The following KRT10 variants were observed in gnomAD, a reference collection of about 807,000 sequenced individuals.
KRT10 encodes keratin 10.
KRT10 carries 40 observed loss-of-function variants against 59.2 expected under a neutral mutation model. The observed-to-expected ratio is 0.68, with a 90% CI of 0.52 to 0.88. The LOEUF (loss-of-function observed/expected upper bound fraction) is 0.88, where lower values mean the gene tolerates loss of function less well. Among genes scored for constraint, KRT10 ranks in the 40% least tolerant of loss-of-function variants. The probability of loss-of-function intolerance (pLI) is 0.00; values close to 1 mark genes in which losing one functional copy is unlikely to be tolerated. For synonymous variants in KRT10, 336 were observed against 310.7 expected, an observed-to-expected ratio of 1.08 and a Z score of -0.86; for missense variants, 719 against 749.1, an observed-to-expected ratio of 0.96 and a Z score of 0.47.
Position 40,818,966 on chromosome 17 carries a change from G to C in KRT10, c.1569C>G (p.Gly523=), listed in dbSNP as rs755521518. 1 of 1,362,498 alleles carries C rather than the reference G, an allele frequency of 7.3e-7. No homozygotes were observed. Among genetic ancestry groups the C allele is most frequent in the African/African-American group, 1.7e-5 (1 of 59,464 alleles). 84.4% of individuals were successfully genotyped at this position (1,362,498 alleles called of 1,614,324 possible). Residue 523 remains glycine, a synonymous_variant, in exon 7 of 8, where the codon GGC becomes GGG. Coordinates refer to ENST00000269576, the MANE Select transcript of KRT10 (RefSeq NM_000421.5). ...CACCGTAGCCGCCGCTGGAACTGCC[G>C]CCGTGGCCGCCGCTGGAGCTTCCGC... The part of the protein sequence containing the change: ...YGGGSSSGGH[G]GSSSGGYGGG...
rs781225764 is a variant in KRT10, at chr17:40,819,741, C to T, written c.1156-7G>A. On this transcript the variant is annotated splice_region_variant and splice_polypyrimidine_tract_variant and intron_variant, in intron 5 of 7. Transcript: ENST00000269576. ...AGGCTTCCAGGGATTGTTTCTGAAA[C>T]GGATTTTTTTGTGGCTTAGTGACTT... 6.2e-6 allele frequency: 10 copies of T among 1,613,584 alleles called. No individual in the cohort carries two copies. The highest frequency in any genetic ancestry group is 7.6e-6 in the Non-Finnish European group (9 of 1,179,530).
chr17:40,818,729 A>G, intron 7 of KRT10, 58 bp downstream of exon 7: 1 of 1,599,210 alleles, frequency 6.3e-7, no homozygotes, highest in Non-Finnish European at 8.5e-7. Flanking sequence ...TAAAGCGCAA[A>G]AAAACCATCA....
chr17:40,820,989 T>G, intron 2 of KRT10, 46 bp downstream of exon 2: 1 of 1,409,142 alleles, frequency 7.1e-7, no homozygotes, highest in Non-Finnish European at 1.0e-6. Context: ...TAAAAACCAC[T>G]GATGTATTCG....
At chr17:40,818,630 T>G (rs2143122059) in intron 7 of KRT10, 148 bp from the exon 8 acceptor site, 3 of 1,358,870 alleles carry the variant, frequency 2.2e-6, no homozygotes, top group East Asian at 4.8e-5. Flanking sequence ...TCATGCCATT[T>G]TTCACGGCTG....
rs541291647 is a variant in KRT10 at position 40,818,859 on chromosome 17, C to A, written c.1676G>T (p.Gly559Val). 269 of 1,552,514 alleles carry A rather than the reference C, an allele frequency of 1.7e-4. 3 individuals carry two copies. In the South Asian group the frequency reaches 2.9e-3, roughly 17 times the overall value. The change falls in exon 7 of 8, where the codon GGC becomes GTC. Residue 559 changes from glycine to valine, a missense_variant. This residue lies in a region of KRT10 where 315 missense variants were observed against 270.6 expected (regional missense o/e 1.16). Coordinates refer to ENST00000269576, the MANE Select transcript of KRT10 (RefSeq NM_000421.5). ...GGSSSGGGYG[G>V]GSSSGGHKSS... Reference sequence around the variant, plus strand: ...CTTGTGGCCTCCGCTGGAGCTGCCGCCGCCGTATCCGCCGCCGGAGCTGCT... The same window carrying A: ...CTTGTGGCCTCCGCTGGAGCTGCCGACGCCGTATCCGCCGCCGGAGCTGCT...
In KRT10 at chr17:40,818,976, C is replaced by CCGCTGGAGCTTCCGCCGCCGTGGCCGT. The variant is rs1905196605; in HGVS notation, c.1558_1559insACGGCCACGGCGGCGGAAGCTCCAGCG (p.Ser519_Gly520insAspGlyHisGlyGlyGlySerSerSer). On this transcript the variant is annotated inframe_insertion, in exon 7 of 8. Coordinates refer to ENST00000269576, the MANE Select transcript of KRT10 (RefSeq NM_000421.5). The stretch of plus-strand genomic sequence containing the variant: ...GCCGCTGGAACTGCCGCCGTGGCCG[C>CCGCTGGAGCTTCCGCCGCCGTGGCCGT]CGCTGGAGCTTCCGCCCCCGTAGCC... The CCGCTGGAGCTTCCGCCGCCGTGGCCGT allele has an allele frequency of 1.4e-6, 2 of 1,391,542 alleles. No homozygotes were observed. Among genetic ancestry groups the CCGCTGGAGCTTCCGCCGCCGTGGCCGT allele is most frequent in the Non-Finnish European group, 1.9e-6 (2 of 1,072,528 alleles). 86.2% of individuals were successfully genotyped at this position (1,391,542 alleles called of 1,614,324 possible).
rs17855579 is a variant in KRT10, at chr17:40,819,076, G to A, written c.1459C>T (p.His487Tyr). The change falls in exon 7 of 8, where the codon CAC (histidine) becomes TAC (tyrosine). Residue 487 changes from histidine to tyrosine, a missense_variant. Transcript: ENST00000269576. ...SSGGGSSGGG[H>Y]GGGHGGSSGG... ...GAACTGCCGCCGTGGCCGCCGCCGT[G>A]GCCGCCGCCGGAGCTTCCGCCGCCG... 0.73 allele frequency: 966,587 copies of A among 1,329,148 alleles called. 328,678 individuals are homozygous for A. Among genetic ancestry groups the A allele is most frequent in the African/African-American group, 0.83 (53,812 of 64,590 alleles). The allele number at this position is 1,329,148 out of a possible 1,614,324, so 82.3% of individuals were successfully genotyped here.
intron 2 of KRT10, 120 bp downstream of exon 2, chr17:40,820,915 A>G: frequency 1.1e-6 from 1 of 938,764 alleles, no homozygotes; most frequent in African/African-American, 1.6e-5. Context: ...TAACTCCAAT[A>G]CTATTTAACT....
chr17:40,819,783 A>G (rs1216452828), intron 5 of KRT10, 49 bp from the exon 6 acceptor site: 2 of 1,447,270 alleles, frequency 1.4e-6, no homozygotes, highest in East Asian at 4.5e-5. Flanking sequence ...TCAGTTGAGT[A>G]TGGTGACGCT....
intron 5 of KRT10, 72 bp from the exon 6 acceptor site, chr17:40,819,806 TAGTA>T (rs2143136259): frequency 7.7e-7 from 1 of 1,305,950 alleles, no homozygotes; most frequent in Non-Finnish European, 1.1e-6. Context: ...TTTGATTATT[TAGTA>T]AGGCATTATA....
intron 4 of KRT10, 35 bp from the exon 5 acceptor site, chr17:40,820,209 A>G: frequency 6.2e-7 from 1 of 1,614,160 alleles, no homozygotes; most frequent in Middle Eastern, 1.6e-4. Context: ...GGGTGAGGAA[A>G]TTCTGAAATG....
rs1280022597 is a variant in KRT10 at position 40,818,900 on chromosome 17, G to A, written c.1635C>T (p.Gly545=). 3.6e-6 allele frequency: 5 copies of A among 1,396,804 alleles called. No individual in the cohort carries two copies. The highest frequency in any genetic ancestry group is 1.9e-4 in the Middle Eastern group (1 of 5,280). The allele number at this position is 1,396,804 out of a possible 1,614,324, so 86.5% of individuals were successfully genotyped here. The change falls in exon 7 of 8, where the codon GGC becomes GGT. Residue 545 remains glycine, a synonymous_variant. Coordinates refer to ENST00000269576, the MANE Select transcript of KRT10 (RefSeq NM_000421.5). ...SGGGGGGYGG[G]SSGGGSSSGG... is the part of the protein sequence containing the mutation. ...CGGAGCTGCTGCCGCCGCCGGAGCTGCCGCCCCCGTAGCCGCCGCCGCCGC... is the reference window on the plus strand; with the variant it reads ...CGGAGCTGCTGCCGCCGCCGGAGCTACCGCCCCCGTAGCCGCCGCCGCCGC...
Position 40,819,615 on chromosome 17 carries a change from G to A in KRT10, c.1275C>T (p.Thr425=). The part of the protein sequence containing the change: ...EEQLQQIRAE[T]ECQNTEYQQL... The stretch of plus-strand genomic sequence containing the variant: ...GTTGGTATTCAGTATTCTGGCACTC[G>A]GTTTCAGCTCGAATCTGTTGCAACT... The change falls in exon 6 of 8, where the codon ACC becomes ACT. Residue 425 remains threonine (T), a synonymous_variant. Transcript: ENST00000269576. The A allele has an allele frequency of 3.1e-6, 5 of 1,614,112 alleles. No individual in the cohort carries two copies. Among genetic ancestry groups the A allele is most frequent in the African/African-American group, 1.3e-5 (1 of 75,022 alleles).
At chr17:40,819,199 T>C (rs367939682) in intron 6 of KRT10, 38 bp from the exon 7 acceptor site, 34 of 1,594,758 alleles carry the variant, frequency 2.1e-5, no homozygotes, top group African/African-American at 5.4e-5. Context: ...ATCTCTAACG[T>C]TGGAAAACGG....
chr17:40,820,283 A>G lies in KRT10; in HGVS notation c.1008T>C (p.Ala336=), dbSNP rs576538778. 108 of 1,614,252 alleles carry G rather than the reference A, an allele frequency of 6.7e-5. No homozygotes were observed. In the South Asian group the frequency reaches 9.4e-4, roughly 14 times the overall value. ...EQLAEQNRKD[A]EAWFNEKSKE... is the part of the protein sequence containing the mutation. ...TTACCTTTTCATTGAACCAGGCTTC[A>G]GCATCTTTGCGGTTTTGTTCAGCAA... Residue 336 remains alanine, a synonymous_variant, in exon 4 of 8, where the codon GCT becomes GCC. Transcript: ENST00000269576.
At chr17:40,819,799 G>C (rs1905263903) in intron 5 of KRT10, 65 bp from the exon 6 acceptor site, 2 of 1,362,198 alleles carry the variant, frequency 1.5e-6, no homozygotes, top group Non-Finnish European at 2.1e-6. Flanking sequence ...ACGCTTATTT[G>C]ATTATTTAGT....
chr17:40,821,246 A>G (rs1437345622), intron 1 of KRT10, 129 bp from the exon 2 acceptor site: 1 of 706,548 alleles, frequency 1.4e-6, no homozygotes, highest in African/African-American at 1.8e-5. Context: ...TATTTTAAAT[A>G]TGAAATATTG....
At position 40,820,424 on chromosome 17, in the gene KRT10, C is replaced by T; in HGVS notation, c.868-1G>A. On this transcript the variant is annotated splice_acceptor_variant, in intron 3 of 7. Coordinates refer to ENST00000269576, the MANE Select transcript of KRT10 (RefSeq NM_000421.5). LOFTEE classifies it high-confidence loss of function. ...ACACATTTCGAAGGTCTTTCATTTC[C>T]TGTTTGAGGAACAGAAAGATTTATT... The T allele has an allele frequency of 6.2e-7, 1 of 1,614,208 alleles. No individual in the cohort carries two copies. Among genetic ancestry groups the T allele is most frequent in the Non-Finnish European group, 8.5e-7 (1 of 1,180,034 alleles).
rs775260580 is a variant in KRT10 at position 40,822,507 on chromosome 17, C to T, written c.79G>A (p.Gly27Arg). The T allele has an allele frequency of 2.5e-6, 4 of 1,612,304 alleles. No homozygotes were observed. Among genetic ancestry groups the T allele is most frequent in the South Asian group, 2.2e-5 (2 of 91,066 alleles). Residue 27 changes from glycine to arginine, a missense_variant, in exon 1 of 8, where the codon GGA becomes AGA. Gly to Arg is a moderately radical substitution (Grantham distance 125). This residue lies in a region of KRT10 where 176 missense variants were observed against 175.7 expected (regional missense o/e 1.00). Transcript: ENST00000269576. ...GGGGGGGGCGGGGGVSSLRIS... is the reference protein window; with the variant it reads ...GGGGGGGGCGRGGGVSSLRIS... The stretch of plus-strand genomic sequence containing the variant: ...CTTAGGGATGACACTCCTCCTCCTC[C>T]TCCACATCCTCCTCCTCCTCCTCCT...
Sources: gnomAD v4.1 joint callset for allele counts on GRCh38, gnomAD v4.1.1 for gene constraint, gnomAD v4.1.1 regional missense constraint, MANE v1.5 for transcripts, NCBI Gene and HGNC (gene_info 2026-07-23, HGNC 2026-07-21) for gene names.